NRXN1: variants seen among roughly 807,000 people sequenced by gnomAD.
The protein encoded by NRXN1 is neurexin 1.
In NRXN1, 39 loss-of-function variants were observed where a neutral mutation model predicts 150.9. The ratio of observed to expected loss-of-function variants is 0.26; its 90% CI spans 0.20 to 0.34. NRXN1 has a LOEUF of 0.34. Ranked by LOEUF, NRXN1 falls within the 10% of genes least tolerant of loss-of-function variation. The pLI is 1.00. For missense variants in NRXN1, 1,815 were observed against 1,949.9 expected, an observed-to-expected ratio of 0.93 and a Z score of 1.30; for synonymous variants, 924 against 757.0, an observed-to-expected ratio of 1.22 and a Z score of -3.62.
intron 18 of NRXN1, among the ~76,000 whole-genome samples, chr2:50,200,285 T>A (rs1028500285): frequency 2.6e-5 from 4 of 152,180 alleles, no homozygotes; most frequent in Admixed American, 6.5e-5. Context: ...CTGTAATAAC[T>A]ACCTGCAAAC....
At chr2:50,227,009 A>C (rs1170795576) in intron 18 of NRXN1, among the ~76,000 whole-genome samples, 1 of 151,976 alleles carries the variant, frequency 6.6e-6, no homozygotes, top group Non-Finnish European at 1.5e-5. Context: ...GAAATAGATA[A>C]AATTCCCTGC....
chr2:50,987,814 C>G (rs1697948322), intron 2 of NRXN1, among the ~76,000 whole-genome samples: 1 of 151,892 alleles, frequency 6.6e-6, no homozygotes, highest in South Asian at 2.1e-4. Flanking sequence ...CTATTCACAC[C>G]AGAGACCACT....
At chr2:50,843,131 A>G (rs1016949051) in intron 5 of NRXN1, among the ~76,000 whole-genome samples, 2 of 152,292 alleles carry the variant, frequency 1.3e-5, no homozygotes, top group Middle Eastern at 3.4e-3. Context: ...AGACAGACAC[A>G]TACTGAGACC....
At chr2:50,507,406 GC>G (rs1467340975) in intron 12 of NRXN1, among the ~76,000 whole-genome samples, 1 of 151,926 alleles carries the variant, frequency 6.6e-6, no homozygotes, top group Non-Finnish European at 1.5e-5. Flanking sequence ...CCAATAAAGG[GC>G]CAACTGTTGA....
At chr2:50,224,751 G>A (rs964653419) in intron 18 of NRXN1, among the ~76,000 whole-genome samples, 1 of 149,306 alleles carries the variant, frequency 6.7e-6, no homozygotes, top group Non-Finnish European at 1.5e-5. Flanking sequence ...AAATTGCCAG[G>A]GTAGTGGAGA....
chr2:50,229,921 G>C (rs1363885618), intron 18 of NRXN1, among the ~76,000 whole-genome samples: 1 of 152,014 alleles, frequency 6.6e-6, no homozygotes. Flanking sequence ...TAAGAAACAG[G>C]GTTTCCTAAA....
chr2:50,457,731 C>A (rs930129795), intron 17 of NRXN1, among the ~76,000 whole-genome samples: 2 of 152,014 alleles, frequency 1.3e-5, no homozygotes, highest in Non-Finnish European at 2.9e-5. Context: ...CACTAATCAT[C>A]AGAGAAATGC....
chr2:50,476,349 T>A (rs1038884665), intron 15 of NRXN1, among the ~76,000 whole-genome samples: 1 of 152,140 alleles, frequency 6.6e-6, no homozygotes, highest in African/African-American at 2.4e-5. Context: ...GGCATTTTGG[T>A]TTTCTCTGTC....
intron 5 of NRXN1, among the ~76,000 whole-genome samples, chr2:50,683,947 T>G (rs933105939): frequency 6.6e-6 from 1 of 151,950 alleles, no homozygotes; most frequent in Non-Finnish European, 1.5e-5. Context: ...GAATGCTCAC[T>G]TCTGTAAATA....
chr2:50,530,599 T>C (rs2093073272), intron 11 of NRXN1, among the ~76,000 whole-genome samples: 2 of 152,164 alleles, frequency 1.3e-5, no homozygotes. Context: ...AAGCATTATC[T>C]TTCTGTAGAA....
intron 17 of NRXN1, among the ~76,000 whole-genome samples, chr2:50,254,616 C>T (rs2067514198): frequency 6.7e-6 from 1 of 150,364 alleles, no homozygotes; most frequent in African/African-American, 2.5e-5. Context: ...TACATTGTCT[C>T]TTTGTTCATT....
chr2:49,971,323 A>G (rs1054792718), intron 21 of NRXN1, among the ~76,000 whole-genome samples: 6 of 152,168 alleles, frequency 3.9e-5, no homozygotes, highest in Admixed American at 3.3e-4. Context: ...AGACAGTAGC[A>G]TTTCATCCCA....
intron 17 of NRXN1, among the ~76,000 whole-genome samples, chr2:50,355,991 A>T (rs2078783211): frequency 6.6e-6 from 1 of 152,194 alleles, no homozygotes; most frequent in Admixed American, 6.6e-5. Flanking sequence ...TAAGCTGGTT[A>T]TAAAGAATGA....
intron 18 of NRXN1, among the ~76,000 whole-genome samples, chr2:50,174,252 C>T (rs751375461): frequency 9.2e-5 from 14 of 152,056 alleles, no homozygotes; most frequent in Non-Finnish European, 1.8e-4. Context: ...TAGAACAAGA[C>T]GATCTCTATC....
intron 17 of NRXN1, among the ~76,000 whole-genome samples, chr2:50,427,112 C>A (rs2084556710): frequency 6.6e-6 from 1 of 152,096 alleles, no homozygotes; most frequent in African/African-American, 2.4e-5. Flanking sequence ...TACAAGCTAT[C>A]TTGTTTAAGA....
intron 18 of NRXN1, among the ~76,000 whole-genome samples, chr2:50,112,487 GAGTCCACATTTACTGGCTC>G (rs1437039533): frequency 6.6e-6 from 1 of 152,242 alleles, no homozygotes; most frequent in African/African-American, 2.4e-5. Context: ...TAGTCTTGAT[GAGTCCACATTTACTGGCTC>G]AGTGCATTCT....
chr2:50,122,930 T>TC (rs1323590831), intron 18 of NRXN1, among the ~76,000 whole-genome samples: 3 of 152,212 alleles, frequency 2.0e-5, no homozygotes, highest in African/African-American at 7.2e-5. Context: ...TAATTTGGTT[T>TC]CATTGAATCT....
intron 5 of NRXN1, chr2:50,918,273 C>G (rs1558418530): frequency 5.6e-6 from 1 of 178,030 alleles, no homozygotes; most frequent in African/African-American, 2.3e-5. Context: ...TTAAAATGGA[C>G]AGTTGAAACC....
intron 5 of NRXN1, chr2:50,829,676 C>CAGCGG (rs1671113359): frequency 3.7e-6 from 6 of 1,610,682 alleles, no homozygotes; most frequent in Non-Finnish European, 5.1e-6. Context: ...CAGGCTGACA[C>CAGCGG]AGCGGAGCGC....
Sources: allele counts gnomAD v4.1 joint callset (sites outside exome capture counted in the v4.1 genomes callset), GRCh38; gene constraint gnomAD v4.1.1; transcripts MANE v1.5; gene names NCBI Gene and HGNC (gene_info 2026-07-23, HGNC 2026-07-21).